Variants in KCNK16 observed in about 807,000 individuals in gnomAD.
The protein encoded by KCNK16 is potassium channel subfamily K member 16.
KCNK16 carries 23 observed loss-of-function variants against 23.0 expected under a neutral mutation model. The observed-to-expected ratio is 1.00, with a 90% CI of 0.72 to 1.41. The LOEUF is 1.41. KCNK16 is among the 40% of genes most tolerant of loss of function. KCNK16 has a pLI of 0.00. For missense variants in KCNK16, 327 were observed against 365.8 expected, an observed-to-expected ratio of 0.89 and a Z score of 0.87; for synonymous variants, 145 against 153.5, an observed-to-expected ratio of 0.94 and a Z score of 0.41.
intron 1 of KCNK16, 118 bp downstream of exon 1, chr6:39,322,210 A>T: frequency 6.9e-7 from 1 of 1,456,224 alleles, no homozygotes. Flanking sequence ...TTCCCACCAC[A>T]CTCTTCTTCC....
In KCNK16 at chr6:39,319,778, G is replaced by A. The variant is rs74391252; in HGVS notation, c.214-645C>T. On this transcript the variant is annotated intron_variant, in intron 1 of 4. Transcript: ENST00000437525. This position sits in a 1 kb window ranked among gnomAD's most constrained non-coding sequence, Gnocchi z 4.2. Reference sequence around the variant, plus strand: ...GTGTGTGTGTGTGTGTGTGTGTGGTGGTTGTTTATATGTGATGTGTTGTAT... The same window carrying A: ...GTGTGTGTGTGTGTGTGTGTGTGGTAGTTGTTTATATGTGATGTGTTGTAT... Among the ~76,000 whole-genome samples, 156 of 141,974 alleles carry A rather than the reference G, an allele frequency of 1.1e-3. 3 individuals carry two copies. The East Asian group carries it at 0.03, about 27-fold the overall frequency. 93.1% of individuals were successfully genotyped at this position (141,974 alleles called of 152,430 possible).
At position 39,322,663 on chromosome 6, in the gene KCNK16, C is replaced by T; in HGVS notation, c.-123G>A. The stretch of plus-strand genomic sequence containing the variant: ...CCGCCTGCCCTGCCCTCCTCCTCGG[C>T]ACAGGTGTCTGGAGGCTGGGGAGAC... On this transcript the variant is annotated 5_prime_UTR_variant, in exon 1 of 5. Transcript: ENST00000437525. The T allele has an allele frequency of 7.2e-7, 1 of 1,397,344 alleles. No individual in the cohort carries two copies. 86.6% of individuals were successfully genotyped at this position (1,397,344 alleles called of 1,614,324 possible).
rs766265579 is a variant in KCNK16 at position 39,317,910 on chromosome 6, A to G, written c.371T>C (p.Phe124Ser). Reference protein sequence around the residue: ...LAPSTEAGQVFCVFYALLGIP... With the variant: ...LAPSTEAGQVSCVFYALLGIP... ...GCCCAACAGGGCATAGAAGACACAG[A>G]AGACCTGACCTGCCTCTGTGCTGGG... Residue 124 changes from phenylalanine (F) to serine (S), a missense_variant, in exon 3 of 5, where the codon TTC becomes TCC. Transcript: ENST00000437525. 2 of 1,613,096 alleles carry G rather than the reference A, an allele frequency of 1.2e-6. No homozygotes were observed. The highest frequency in any genetic ancestry group is 1.7e-6 in the Non-Finnish European group (2 of 1,179,588).
downstream of KCNK16, chr6:39,316,105 C>T: frequency 1.4e-6 from 2 of 1,402,756 alleles, no homozygotes; most frequent in Non-Finnish European, 1.9e-6. Context: ...TGAGACCAGC[C>T]CTGGCTGAGA....
At position 39,319,744 on chromosome 6, in the gene KCNK16, T is replaced by TGA. The variant is rs1320060691; in HGVS notation, c.214-613_214-612dup. ...GAGGCCAAGACAAAGGTGGCACGTG[T>TGA]GAGTGTGTGTGTGTGTGTGTGTGTG... is the stretch of plus-strand genomic sequence containing the variant. On this transcript the variant is annotated intron_variant, in intron 1 of 4. Transcript: ENST00000437525. This position sits in a 1 kb window ranked among gnomAD's most constrained non-coding sequence, Gnocchi z 4.2. Among the ~76,000 whole-genome samples the TGA allele has an allele frequency of 2.4e-5, 3 of 122,490 alleles. No individual in the cohort carries two copies. Among genetic ancestry groups the TGA allele is most frequent in the Admixed American group, 8.7e-5 (1 of 11,470 alleles). 80.4% of individuals were successfully genotyped at this position (122,490 alleles called of 152,430 possible).
downstream of KCNK16, chr6:39,314,744 A>G (rs540368855): frequency 1.9e-5 from 9 of 482,540 alleles, no homozygotes; most frequent in South Asian, 3.8e-4. Flanking sequence ...CCCCTGCCTA[A>G]GTTCTTGGAC....
Position 39,322,648 on chromosome 6 carries a change from TGCCCTCCTCCTCG to T in KCNK16, c.-121_-109del. The T allele has an allele frequency of 6.9e-7, 1 of 1,446,604 alleles. No homozygotes were observed. Among genetic ancestry groups the T allele is most frequent in the Non-Finnish European group, 9.1e-7 (1 of 1,097,330 alleles). 89.6% of individuals were successfully genotyped at this position (1,446,604 alleles called of 1,614,324 possible). On this transcript the variant is annotated 5_prime_UTR_variant, in exon 1 of 5. Transcript: ENST00000437525. The stretch of plus-strand genomic sequence containing the variant: ...CCTGTGCCCAGGCTGCCGCCTGCCC[TGCCCTCCTCCTCG>T]GCACAGGTGTCTGGAGGCTGGGGAG...
At chr6:39,321,953 G>A (rs908425807) in intron 1 of KCNK16, among the ~76,000 whole-genome samples, 3 of 152,258 alleles carry the variant, frequency 2.0e-5, no homozygotes, top group East Asian at 3.8e-4. Flanking sequence ...ATGAAAGTGT[G>A]GGAGGAGGAA....
At chr6:39,322,762 C>G (rs1431690713), upstream of KCNK16, 29 of 614,466 alleles carry the variant, frequency 4.7e-5, no homozygotes, top group Non-Finnish European at 6.9e-5. Context: ...GCCACCCCCA[C>G]CCGGCCTTTG....
downstream of KCNK16, among the ~76,000 whole-genome samples, chr6:39,315,710 AT>A (rs958745825): frequency 2.6e-5 from 4 of 152,018 alleles, no homozygotes; most frequent in Non-Finnish European, 5.9e-5. Context: ...CCATCATAGC[AT>A]TTTGGGCACT....
At chr6:39,315,145 C>T, downstream of KCNK16, 13 of 1,614,256 alleles carry the variant, frequency 8.1e-6, no homozygotes, top group Non-Finnish European at 1.1e-5. Flanking sequence ...CAGAGGAACC[C>T]AGCCACATAG....
rs1562092821 is a variant in KCNK16, at chr6:39,322,407, TCCCTGGACTGAG to T, written c.122_133del (p.Ala41_Arg44del). 3 of 1,613,964 alleles carry T rather than the reference TCCCTGGACTGAG, an allele frequency of 1.9e-6. No homozygotes were observed. The highest frequency in any genetic ancestry group is 2.5e-6 in the Non-Finnish European group (3 of 1,180,036). ...GCGCAGCTTCTCCAACTGAAACTGG[TCCCTGGACTGAG>T]CCTCCGCCTGCCTCTCTAGCAGCTG... On this transcript the variant is annotated inframe_deletion, in exon 1 of 5. Coordinates refer to ENST00000437525, the MANE Select transcript of KCNK16 (RefSeq NM_001135106.2).
At chr6:39,320,806 G>A (rs936980990) in intron 1 of KCNK16, among the ~76,000 whole-genome samples, 5 of 151,694 alleles carry the variant, frequency 3.3e-5, no homozygotes, top group Admixed American at 6.6e-5. Flanking sequence ...CCCTTCCCAC[G>A]CCCTCCAGCT....
rs764549881 is a variant in KCNK16, at chr6:39,322,384, G to A, written c.157C>T (p.Arg53Cys). The change falls in exon 1 of 5, where the codon CGC becomes TGC. Residue 53 changes from arginine (R) to cysteine (C), a missense_variant. Physicochemically the swap from Arg to Cys is radical, Grantham distance 180 (BLOSUM62 -3). Transcript: ENST00000437525. ...AGGCAGGTGTAGTTCTCCAGGAAGC[G>A]CAGCTTCTCCAACTGAAACTGGTCC... ...SRDQFQLEKL[R>C]FLENYTCLDQ... 5 of 1,613,894 alleles carry A rather than the reference G, an allele frequency of 3.1e-6. No homozygotes were observed. The highest frequency in any genetic ancestry group is 1.3e-5 in the African/African-American group (1 of 74,896).
chr6:39,317,873 G>A lies in KCNK16; in HGVS notation c.408C>T (p.Asn136=), dbSNP rs562223126. The A allele has an allele frequency of 2.2e-5, 35 of 1,613,906 alleles. No homozygotes were observed. The highest frequency in any genetic ancestry group is 1.9e-4 in the South Asian group (17 of 91,006). ...TGCCCAGGTGGTTGAGGAAGATCAC[G>A]TTAAGCGGGATGCCCAACAGGGCAT... ...VFYALLGIPL[N]VIFLNHLGTG... is the part of the protein sequence containing the mutation. The change falls in exon 3 of 5, where the codon AAC becomes AAT. Residue 136 remains asparagine (N), a synonymous_variant. Coordinates refer to ENST00000437525, the MANE Select transcript of KCNK16 (RefSeq NM_001135106.2).
At chr6:39,318,900 C>A in intron 2 of KCNK16, 119 bp downstream of exon 2, 1 of 696,102 alleles carries the variant, frequency 1.4e-6, no homozygotes, top group East Asian at 2.6e-5. Context: ...CCCACTCCCT[C>A]CCTGGGCTTC....
intron 3 of KCNK16, among the ~76,000 whole-genome samples, chr6:39,317,464 T>C (rs961898589): frequency 6.6e-6 from 1 of 152,220 alleles, no homozygotes; most frequent in Non-Finnish European, 1.5e-5. Context: ...GAGAACCTCC[T>C]GGCCTAGGGG....
In KCNK16 at chr6:39,322,385, C is replaced by T. The variant is rs752069330; in HGVS notation, c.156G>A (p.Leu52=). The change falls in exon 1 of 5, where the codon CTG becomes CTA. Residue 52 remains leucine (L), a synonymous_variant. Transcript: ENST00000437525. ...QSRDQFQLEK[L]RFLENYTCLD... ...GGCAGGTGTAGTTCTCCAGGAAGCG[C>T]AGCTTCTCCAACTGAAACTGGTCCC... 1.2e-6 allele frequency: 2 copies of T among 1,614,200 alleles called. No individual in the cohort carries two copies. The highest frequency in any genetic ancestry group is 1.7e-6 in the Non-Finnish European group (2 of 1,180,034).
At chr6:39,322,704 G>A (rs898513733), upstream of KCNK16, 10 of 1,122,514 alleles carry the variant, frequency 8.9e-6, no homozygotes, top group Admixed American at 2.0e-4. Flanking sequence ...GAACAGTGCG[G>A]CTCAGCTTGG....
Sources: gnomAD v4.1 joint callset for allele counts (sites outside exome capture counted in the v4.1 genomes callset) on GRCh38, gnomAD v4.1.1 for gene constraint, Gnocchi (gnomAD v3.1) non-coding constraint, MANE v1.5 for transcripts, NCBI Gene and HGNC (gene_info 2026-07-23, HGNC 2026-07-21) for gene names.